The following UBE2Q2 variants were observed in gnomAD, a reference collection of about 807,000 sequenced individuals.
UBE2Q2 encodes the protein ubiquitin-conjugating enzyme E2 Q2.
Under a neutral mutation model 59.9 loss-of-function variants are expected in UBE2Q2, and 54 were observed. The ratio of observed to expected loss-of-function variants is 0.90; its 90% confidence interval spans 0.72 to 1.13. The LOEUF (loss-of-function observed/expected upper bound fraction) is 1.13, where lower values mean the gene tolerates loss of function less well. Among genes scored for constraint, UBE2Q2 ranks in the 50% most tolerant of loss-of-function variants. UBE2Q2 has a pLI of 0.00. For missense variants in UBE2Q2, 433 were observed against 441.9 expected (o/e 0.98, Z 0.18); for synonymous variants, 165 against 155.2 (o/e 1.06, Z -0.47).
At chr15:75,852,464 C>T (rs1896679335) in intron 1 of UBE2Q2, among the ~76,000 whole-genome samples, 3 of 152,150 alleles carry the variant, frequency 2.0e-5, no homozygotes, top group Admixed American at 1.3e-4. Flanking sequence ...TTTTCATCTA[C>T]AAGATTAAAA....
rs144993475 is a variant in UBE2Q2 at position 75,854,755 on chromosome 15, G to A, written c.282+268G>A. Among the ~76,000 whole-genome samples, 428 of 152,064 alleles carry A rather than the reference G, an allele frequency of 2.8e-3. 2 individuals are homozygous for A. The highest frequency in any genetic ancestry group is 9.7e-3 in the African/African-American group (403 of 41,454). On this transcript the variant is annotated intron_variant, in intron 2 of 12. Coordinates refer to ENST00000267938, the MANE Select transcript of UBE2Q2 (RefSeq NM_173469.4). ...ACCATTAAGCCAAACAAGCATTTTG[G>A]GTAGAGACCACTAGCCAAGGTGGGA...
At chr15:75,899,287 T>C in intron 12 of UBE2Q2, 140 bp from the exon 13 acceptor site, 1 of 237,166 alleles carries the variant, frequency 4.2e-6, no homozygotes, top group Non-Finnish European at 7.4e-6. Flanking sequence ...AAAATATATA[T>C]ATAATATATA....
At chr15:75,879,582 G>A (rs899021514) in intron 8 of UBE2Q2, among the ~76,000 whole-genome samples, 23 of 152,246 alleles carry the variant, frequency 1.5e-4, no homozygotes, top group African/African-American at 5.3e-4. Flanking sequence ...ATGTTGATTA[G>A]GGCATGCATT....
chr15:75,876,084 T>TGTTGAGTG (rs2141625259), intron 5 of UBE2Q2, 103 bp from the exon 6 acceptor site: 2 of 553,770 alleles, frequency 3.6e-6, no homozygotes, highest in Non-Finnish European at 5.1e-6. Context: ...AAAAAAAAAA[T>TGTTGAGTG]GTTGAGTGGT....
intron 1 of UBE2Q2, among the ~76,000 whole-genome samples, chr15:75,846,059 G>A (rs563996153): frequency 1.3e-5 from 2 of 152,116 alleles, no homozygotes; most frequent in Non-Finnish European, 2.9e-5. Context: ...TTTTATTATG[G>A]AAAATCATCA....
intron 4 of UBE2Q2, among the ~76,000 whole-genome samples, chr15:75,871,351 T>C (rs1012728434): frequency 6.6e-6 from 1 of 152,224 alleles, no homozygotes; most frequent in African/African-American, 2.4e-5. Context: ...TTGTCTCAAC[T>C]GCAAGAGGCA....
chr15:75,863,134 A>G (rs1393524424), intron 3 of UBE2Q2, among the ~76,000 whole-genome samples: 7 of 152,156 alleles, frequency 4.6e-5, no homozygotes, highest in Non-Finnish European at 7.4e-5. Flanking sequence ...AGTCTTGCCT[A>G]TCTGTCCCAC....
At chr15:75,891,263 A>C (rs1899088153) in intron 11 of UBE2Q2, among the ~76,000 whole-genome samples, 1 of 152,180 alleles carries the variant, frequency 6.6e-6, no homozygotes, top group African/African-American at 2.4e-5. Context: ...AAACATTATA[A>C]GTTTACAGTT....
chr15:75,880,484 ATT>A (rs112205665), intron 8 of UBE2Q2, among the ~76,000 whole-genome samples: 7 of 127,750 alleles, frequency 5.5e-5, no homozygotes, highest in Non-Finnish European at 3.4e-5. Context: ...AATGTTAATG[ATT>A]TTTTTTTTTT....
chr15:75,879,179 C>A lies in UBE2Q2; in HGVS notation c.816C>A (p.Phe272Leu), dbSNP rs1898256806. The A allele has an allele frequency of 1.3e-6, 2 of 1,585,898 alleles. No individual in the cohort carries two copies. The highest frequency in any genetic ancestry group is 1.4e-5 in the African/African-American group (1 of 73,718). ...GCATAGAATATATTTTGCTTAACTT[C>A]TCTTTTAAGGTAAGAAAATAGTTAC... ...KEGIEYILLN[F>L]SFKDNFPFDP... Residue 272 changes from phenylalanine (F) to leucine (L), a missense_variant, in exon 8 of 13, where the codon TTC (phenylalanine) becomes TTA (leucine). Physicochemically the swap from Phe to Leu is conservative, Grantham distance 22. Coordinates refer to ENST00000267938, the MANE Select transcript of UBE2Q2 (RefSeq NM_173469.4).
intron 1 of UBE2Q2, among the ~76,000 whole-genome samples, chr15:75,849,137 A>G (rs1198777746): frequency 6.6e-6 from 1 of 152,200 alleles, no homozygotes; most frequent in Non-Finnish European, 1.5e-5. Flanking sequence ...TATTTGTAAA[A>G]TGATTAGCAG....
chr15:75,890,341 C>T, intron 9 of UBE2Q2, 94 bp from the exon 10 acceptor site: 7 of 878,496 alleles, frequency 8.0e-6, no homozygotes, highest in South Asian at 3.2e-5. Context: ...CTCATCCTTA[C>T]TTGTGTGCAT....
chr15:75,899,402 C>G, intron 12 of UBE2Q2, 25 bp from the exon 13 acceptor site: 1 of 1,226,860 alleles, frequency 8.2e-7, no homozygotes, highest in Non-Finnish European at 1.1e-6. Flanking sequence ...ATTATTTTAA[C>G]TTTTTTTTTT....
chr15:75,892,608 T>G (rs1899163678), intron 11 of UBE2Q2, among the ~76,000 whole-genome samples: 1 of 152,084 alleles, frequency 6.6e-6, no homozygotes, highest in South Asian at 2.1e-4. Flanking sequence ...GCCTGTAATC[T>G]CAACACTTTG....
intron 3 of UBE2Q2, among the ~76,000 whole-genome samples, chr15:75,860,300 A>G (rs911964036): frequency 6.6e-6 from 1 of 152,114 alleles, no homozygotes; most frequent in African/African-American, 2.4e-5. Flanking sequence ...TCACCTAGCA[A>G]TGTCATCTCC....
At chr15:75,866,366 A>G (rs921823504) in intron 3 of UBE2Q2, among the ~76,000 whole-genome samples, 1 of 150,840 alleles carries the variant, frequency 6.6e-6, no homozygotes, top group Non-Finnish European at 1.5e-5. Context: ...TTTTGTAGAG[A>G]TGTGTTTTCA....
At chr15:75,879,864 G>A (rs550761958) in intron 8 of UBE2Q2, among the ~76,000 whole-genome samples, 1 of 152,074 alleles carries the variant, frequency 6.6e-6, no homozygotes. Context: ...GCCCAAAGAG[G>A]AAAACTGTCC....
chr15:75,876,900 T>C (rs1409641548), intron 6 of UBE2Q2, among the ~76,000 whole-genome samples: 17 of 152,124 alleles, frequency 1.1e-4, no homozygotes, highest in Admixed American at 1.1e-3. Context: ...CTCACACTTA[T>C]AATCCCTGCA....
At chr15:75,868,753 T>G (rs535801364) in intron 3 of UBE2Q2, among the ~76,000 whole-genome samples, 198 bp from the exon 4 acceptor site, 1 of 152,246 alleles carries the variant, frequency 6.6e-6, no homozygotes, top group Non-Finnish European at 1.5e-5. Flanking sequence ...TTGTTCAAAA[T>G]TGTTTCATTT....
Sources: gnomAD v4.1 joint callset for allele counts (sites outside exome capture counted in the v4.1 genomes callset) on GRCh38, gnomAD v4.1.1 for gene constraint, MANE v1.5 for transcripts, NCBI Gene and HGNC (gene_info 2026-07-23, HGNC 2026-07-21) for gene names.